The following PRKCE variants were observed in gnomAD, a reference collection of about 807,000 sequenced individuals.
PRKCE encodes the protein protein kinase C epsilon type.
Under a neutral mutation model 85.4 loss-of-function variants are expected in PRKCE, and 16 were observed. The observed-to-expected ratio is 0.19, with a 90% CI of 0.13 to 0.28. The LOEUF is 0.28. Ranked by LOEUF, PRKCE falls within the 10% of genes least tolerant of loss-of-function variation. The pLI is 1.00. For missense variants in PRKCE, 573 were observed against 975.2 expected, an observed-to-expected ratio of 0.59 and a Z score of 5.49; for synonymous variants, 388 against 371.5, an observed-to-expected ratio of 1.04 and a Z score of -0.51.
chr2:46,108,048 C>G (rs908560827), intron 11 of PRKCE, among the ~76,000 whole-genome samples: 2 of 152,196 alleles, frequency 1.3e-5, no homozygotes, highest in African/African-American at 4.8e-5. Context: ...CTGCCTCAGT[C>G]ACCCAAGTAG....
At chr2:45,819,987 T>C (rs939298904) in intron 1 of PRKCE, among the ~76,000 whole-genome samples, 3 of 151,880 alleles carry the variant, frequency 2.0e-5, no homozygotes, top group Non-Finnish European at 4.4e-5. Flanking sequence ...AACAGTGAGT[T>C]TAAGGGGTGT....
chr2:45,821,134 C>T (rs1308870584), intron 1 of PRKCE, among the ~76,000 whole-genome samples: 2 of 152,138 alleles, frequency 1.3e-5, no homozygotes, highest in South Asian at 2.1e-4. Flanking sequence ...CCTCTTGTAC[C>T]CTATCTCACA....
At chr2:46,031,586 C>G (rs932681851) in intron 10 of PRKCE, among the ~76,000 whole-genome samples, 3 of 133,016 alleles carry the variant, frequency 2.3e-5, no homozygotes, top group African/African-American at 8.6e-5. Context: ...CCTTTACATT[C>G]TGCTCGTGTG....
At chr2:45,965,914 T>C (rs963693987) in intron 2 of PRKCE, among the ~76,000 whole-genome samples, 3 of 152,198 alleles carry the variant, frequency 2.0e-5, no homozygotes, top group Non-Finnish European at 2.9e-5. Flanking sequence ...CGTTCCATTA[T>C]GTGGGTGTGC....
chr2:45,676,214 C>T (rs1389271373), intron 1 of PRKCE: 3 of 152,208 alleles, frequency 2.0e-5, no homozygotes, highest in Non-Finnish European at 2.9e-5. Flanking sequence ...ATGGAACCCT[C>T]TGTTGCTTCT....
At chr2:45,908,088 G>T (rs1273321842) in intron 2 of PRKCE, among the ~76,000 whole-genome samples, 1 of 152,152 alleles carries the variant, frequency 6.6e-6, no homozygotes, top group African/African-American at 2.4e-5. Flanking sequence ...GGCAGGAATG[G>T]AAGTCAAGAC....
intron 2 of PRKCE, among the ~76,000 whole-genome samples, chr2:45,849,513 T>TA (rs1692071811): frequency 2.0e-5 from 3 of 152,302 alleles, no homozygotes; most frequent in Admixed American, 1.3e-4. Context: ...CAGTCTTTAA[T>TA]AAGAAATGTC....
At chr2:45,947,207 T>C (rs1010833735) in intron 2 of PRKCE, among the ~76,000 whole-genome samples, 4 of 152,222 alleles carry the variant, frequency 2.6e-5, no homozygotes, top group African/African-American at 9.6e-5. Flanking sequence ...GAGTGAAAGA[T>C]GCCAGTTGCA....
intron 9 of PRKCE, among the ~76,000 whole-genome samples, chr2:46,009,944 A>G (rs982475207): frequency 6.6e-6 from 1 of 152,240 alleles, no homozygotes; most frequent in African/African-American, 2.4e-5. Flanking sequence ...ACATATAAAC[A>G]TATGAATAAC....
intron 2 of PRKCE, among the ~76,000 whole-genome samples, chr2:45,919,658 C>G (rs1426607070): frequency 6.6e-6 from 1 of 152,262 alleles, no homozygotes; most frequent in Non-Finnish European, 1.5e-5. Context: ...GACATCCCAA[C>G]AGATCGTGGA....
chr2:45,684,966 C>T (rs770988449), intron 1 of PRKCE, among the ~76,000 whole-genome samples: 10 of 152,198 alleles, frequency 6.6e-5, no homozygotes, highest in African/African-American at 1.9e-4. Flanking sequence ...AAACGACACC[C>T]GCCCTGGCTT....
chr2:45,737,994 C>T (rs1158460171), intron 1 of PRKCE, among the ~76,000 whole-genome samples: 1 of 152,070 alleles, frequency 6.6e-6, no homozygotes, highest in Non-Finnish European at 1.5e-5. Context: ...CCCATGTGCT[C>T]AACACCTCCT....
intron 2 of PRKCE, among the ~76,000 whole-genome samples, chr2:45,848,103 G>A (rs1046619153): frequency 6.6e-6 from 1 of 152,212 alleles, no homozygotes; most frequent in Non-Finnish European, 1.5e-5. Flanking sequence ...AAATCAAAGT[G>A]AAAGGGGTTT....
At chr2:46,049,279 T>C (rs61711327) in intron 10 of PRKCE, among the ~76,000 whole-genome samples, 551 of 152,256 alleles carry the variant, frequency 3.6e-3, no homozygotes, top group African/African-American at 0.013. Context: ...TATTGCCGAG[T>C]GGGCTTACAG....
intron 1 of PRKCE, among the ~76,000 whole-genome samples, chr2:45,762,057 A>G (rs1027820029): frequency 9.9e-5 from 15 of 152,102 alleles, no homozygotes; most frequent in African/African-American, 3.1e-4. Context: ...GTTGGCGTGC[A>G]CCATTCAGCC....
intron 1 of PRKCE, among the ~76,000 whole-genome samples, chr2:45,822,482 T>C (rs956425683): frequency 2.0e-5 from 3 of 152,228 alleles, no homozygotes; most frequent in Admixed American, 1.3e-4. Flanking sequence ...TGTCTGCAGA[T>C]GTGTCTGTTG....
intron 1 of PRKCE, among the ~76,000 whole-genome samples, chr2:45,788,169 T>C (rs2105066173): frequency 6.6e-6 from 1 of 152,352 alleles, no homozygotes; most frequent in African/African-American, 2.4e-5. Flanking sequence ...TCTCAGGGCA[T>C]GGGTTGTTCT....
At chr2:45,974,150 G>C (rs1702281690) in intron 2 of PRKCE, among the ~76,000 whole-genome samples, 1 of 152,176 alleles carries the variant, frequency 6.6e-6, no homozygotes, top group Admixed American at 6.5e-5. Context: ...TTTTGTTCTT[G>C]CTTATGAAAA....
intron 10 of PRKCE, among the ~76,000 whole-genome samples, chr2:46,032,208 T>G (rs1466593910): frequency 1.3e-5 from 2 of 152,232 alleles, no homozygotes; most frequent in Non-Finnish European, 2.9e-5. Flanking sequence ...TTCATGGTGC[T>G]TTTGCGACAG....
Sources: allele counts gnomAD v4.1 joint callset (sites outside exome capture counted in the v4.1 genomes callset), GRCh38; gene constraint gnomAD v4.1.1; transcripts MANE v1.5; gene names NCBI Gene and HGNC (gene_info 2026-07-23, HGNC 2026-07-21).